The following DNAJC8 variants were observed in gnomAD, a reference collection of about 807,000 sequenced individuals.
DNAJC8 encodes DnaJ heat shock protein family (Hsp40) member C8.
A neutral mutation model predicts 43.2 loss-of-function variants in DNAJC8; 24 were observed. That is an observed-to-expected ratio of 0.56 (90% CI 0.40 to 0.78). The LOEUF (loss-of-function observed/expected upper bound fraction) is 0.78. Ranked by LOEUF, DNAJC8 falls within the 30% of genes least tolerant of loss-of-function variation. The pLI is 0.00. For synonymous variants in DNAJC8, 83 were observed against 98.0 expected (o/e 0.85, Z 0.90); for missense variants, 207 against 299.4 (o/e 0.69, Z 2.28).
In DNAJC8 at chr1:28,212,164, AATAAAT is replaced by A. The variant is rs1286888709; in HGVS notation, c.238-1533_238-1528del. Among the ~76,000 whole-genome samples the A allele has an allele frequency of 3.8e-3, 115 of 30,552 alleles. 2 individuals carry two copies. Among genetic ancestry groups the A allele is most frequent in the Middle Eastern group, 0.013 (1 of 78 alleles). The allele number at this position is 30,552 out of a possible 152,430, so 20.0% of individuals were successfully genotyped here. On this transcript the variant is annotated intron_variant, in intron 3 of 8. Coordinates refer to ENST00000263697, the MANE Select transcript of DNAJC8 (RefSeq NM_014280.3). ...GAGCCGGACTCCGTCTCAATAAATA[AATAAAT>A]ATATATATATATATATATATATATA... is the stretch of plus-strand genomic sequence containing the variant.
At chr1:28,206,621 C>A (rs553024088) in intron 6 of DNAJC8, among the ~76,000 whole-genome samples, 15 of 152,318 alleles carry the variant, frequency 9.8e-5, no homozygotes, top group African/African-American at 3.1e-4. Flanking sequence ...CCCTCCCTAC[C>A]AGTTTTTAAT....
chr1:28,204,308 T>C (rs540819862), intron 7 of DNAJC8, among the ~76,000 whole-genome samples: 1 of 152,326 alleles, frequency 6.6e-6, no homozygotes, highest in African/African-American at 2.4e-5. Context: ...CGGCCGGATG[T>C]AGCGGCTCAT....
At chr1:28,206,769 C>A (rs1646771451) in intron 6 of DNAJC8, among the ~76,000 whole-genome samples, 1 of 152,078 alleles carries the variant, frequency 6.6e-6, no homozygotes, top group South Asian at 2.1e-4. Flanking sequence ...TGCCTAAATT[C>A]TAAAATCAGA....
At chr1:28,203,014 C>A (rs749861910) in intron 8 of DNAJC8, among the ~76,000 whole-genome samples, 17 of 151,864 alleles carry the variant, frequency 1.1e-4, no homozygotes, top group Non-Finnish European at 2.4e-4. Context: ...AGCAGTACAG[C>A]TACTCTTTCC....
At chr1:28,228,103 C>A (rs2149024712) in intron 2 of DNAJC8, among the ~76,000 whole-genome samples, 1 of 152,190 alleles carries the variant, frequency 6.6e-6, no homozygotes, top group East Asian at 1.9e-4. Flanking sequence ...GTAATCCCAG[C>A]ACTTTGGGAG....
At chr1:28,202,373 G>A (rs938141461) in intron 8 of DNAJC8, among the ~76,000 whole-genome samples, 5 of 151,828 alleles carry the variant, frequency 3.3e-5, no homozygotes, top group African/African-American at 9.7e-5. Flanking sequence ...TCTGCCTCCC[G>A]GGTTCACATC....
intron 1 of DNAJC8, among the ~76,000 whole-genome samples, chr1:28,232,352 G>A (rs892342321): frequency 6.6e-6 from 1 of 152,130 alleles, no homozygotes; most frequent in Non-Finnish European, 1.5e-5. Context: ...CTGGAGATGC[G>A]ATAGTAAAGG....
Position 28,208,404 on chromosome 1 carries a change from G to C in DNAJC8, c.409C>G (p.Arg137Gly). ...CCTTCCTTCTTTAATTGTTTTTTTCGCTCTTTCACCTAAAAAGAATTTTTT... is the reference window on the plus strand; with the variant it reads ...CCTTCCTTCTTTAATTGTTTTTTTCCCTCTTTCACCTAAAAAGAATTTTTT... ...KEYVEHTVKERKKQLKKEGKP... is the reference protein window; with the variant it reads ...KEYVEHTVKEGKKQLKKEGKP... The change falls in exon 6 of 9, where the codon CGA becomes GGA. Residue 137 changes from arginine to glycine, a missense_variant. Arg to Gly is a moderately radical substitution (Grantham distance 125). Around this residue, in one of 2 missense-constraint regions of DNAJC8, gnomAD observed 159 missense variants for 267.5 expected, o/e 0.59. Coordinates refer to ENST00000263697, the MANE Select transcript of DNAJC8 (RefSeq NM_014280.3). The C allele has an allele frequency of 5.0e-6, 8 of 1,608,456 alleles. No individual in the cohort carries two copies. Among genetic ancestry groups the C allele is most frequent in the Non-Finnish European group, 6.8e-6 (8 of 1,177,318 alleles).
At chr1:28,221,923 T>C (rs1156756398) in intron 2 of DNAJC8, among the ~76,000 whole-genome samples, 1 of 152,112 alleles carries the variant, frequency 6.6e-6, no homozygotes, top group Admixed American at 6.6e-5. Context: ...AAGAAGGAAA[T>C]TCTACAATAT....
chr1:28,228,271 C>T (rs1646951180), intron 2 of DNAJC8, among the ~76,000 whole-genome samples: 2 of 150,054 alleles, frequency 1.3e-5, no homozygotes, highest in Non-Finnish European at 2.9e-5. Context: ...ATTGCTTGAA[C>T]CTGGGAGAAG....
chr1:28,218,421 AT>A (rs755920353), intron 2 of DNAJC8, among the ~76,000 whole-genome samples: 127 of 142,668 alleles, frequency 8.9e-4, no homozygotes, highest in Non-Finnish European at 9.0e-4. Context: ...TAAACAAATA[AT>A]TTTTTTTTTT....
At chr1:28,220,417 T>C (rs1303440502) in intron 2 of DNAJC8, among the ~76,000 whole-genome samples, 1 of 152,222 alleles carries the variant, frequency 6.6e-6, no homozygotes, top group African/African-American at 2.4e-5. Flanking sequence ...TAGTCTGTTT[T>C]GTGTTGCCAG....
chr1:28,232,596 T>C (rs1287830388), intron 1 of DNAJC8, among the ~76,000 whole-genome samples: 1 of 152,146 alleles, frequency 6.6e-6, no homozygotes, highest in South Asian at 2.1e-4. Context: ...CCAAGAAGGC[T>C]AAGTCACTCC....
At position 28,212,214 on chromosome 1, in the gene DNAJC8, T is replaced by TATAA. The variant is rs1553167928; in HGVS notation, c.238-1578_238-1577insTTAT. On this transcript the variant is annotated intron_variant, in intron 3 of 8. Coordinates refer to ENST00000263697, the MANE Select transcript of DNAJC8 (RefSeq NM_014280.3). ...ATATATATATATATATATATATATA[T>TATAA]AAATGAAATTAACTATTCAATATAG... Among the ~76,000 whole-genome samples the TATAA allele has an allele frequency of 3.0e-4, 34 of 113,528 alleles. No homozygotes were observed. The Admixed American group carries it at 3.1e-3, about 10-fold the overall frequency. 74.5% of individuals were successfully genotyped at this position (113,528 alleles called of 152,430 possible).
chr1:28,203,922 T>C, intron 7 of DNAJC8, 100 bp from the exon 8 acceptor site: 1 of 1,160,240 alleles, frequency 8.6e-7, no homozygotes. Flanking sequence ...ATATAGTAAA[T>C]CAATTCCCTA....
chr1:28,213,966 A>T (rs1646833600), intron 3 of DNAJC8, among the ~76,000 whole-genome samples: 1 of 152,152 alleles, frequency 6.6e-6, no homozygotes, highest in Non-Finnish European at 1.5e-5. Context: ...CAGTGAGCCA[A>T]GATCACACCA....
chr1:28,209,246 C>T (rs79984520), intron 5 of DNAJC8, among the ~76,000 whole-genome samples: 340 of 152,280 alleles, frequency 2.2e-3, no homozygotes, highest in African/African-American at 8.1e-3. Flanking sequence ...TTTTCCTCAC[C>T]GAAACTGGAT....
At chr1:28,220,752 A>C (rs1276651921) in intron 2 of DNAJC8, among the ~76,000 whole-genome samples, 1 of 152,216 alleles carries the variant, frequency 6.6e-6, no homozygotes, top group Admixed American at 6.5e-5. Context: ...TTTAAGAATT[A>C]CTGTTCTCAC....
At chr1:28,210,514 C>A (rs1646803494) in intron 4 of DNAJC8, 57 bp downstream of exon 4, 2 of 1,454,770 alleles carry the variant, frequency 1.4e-6, no homozygotes, top group Non-Finnish European at 1.9e-6. Context: ...GGACAAGGAA[C>A]AGTTAGGCCC....
Sources: gnomAD v4.1 joint callset for allele counts (sites outside exome capture counted in the v4.1 genomes callset) on GRCh38, gnomAD v4.1.1 for gene constraint, gnomAD v4.1.1 regional missense constraint, MANE v1.5 for transcripts, NCBI Gene and HGNC (gene_info 2026-07-23, HGNC 2026-07-21) for gene names.